Variants in FAM228A observed in about 807,000 individuals in gnomAD.
FAM228A encodes the protein family with sequence similarity 228 member A, also known as protein FAM228A.
In FAM228A, 13 loss-of-function variants were observed where a neutral mutation model predicts 18.6. That is an observed-to-expected ratio of 0.70 (90% CI 0.45 to 1.11). The LOEUF is 1.11. Among genes scored for constraint, FAM228A ranks in the 50% least tolerant of loss-of-function variants. The pLI, the probability that FAM228A is intolerant of heterozygous loss-of-function variation, is 0.00. For missense variants in FAM228A, 240 were observed against 242.2 expected (o/e 0.99, Z 0.06); for synonymous variants, 77 against 86.6 (o/e 0.89, Z 0.61).
intron 5 of FAM228A, chr2:24,188,456 C>T: frequency 1.0e-6 from 1 of 985,260 alleles, no homozygotes; most frequent in Non-Finnish European, 1.2e-6. Flanking sequence ...GCTGTCTGTA[C>T]TCGGGGCCTG....
chr2:24,190,917 C>A lies in FAM228A; in HGVS notation c.*286C>A, dbSNP rs1005691664. The A allele has an allele frequency of 1.8e-6, 2 of 1,123,640 alleles. No homozygotes were observed. Among genetic ancestry groups the A allele is most frequent in the Non-Finnish European group, 2.2e-6 (2 of 918,414 alleles). 69.6% of individuals were successfully genotyped at this position (1,123,640 alleles called of 1,614,324 possible). On this transcript the variant is annotated 3_prime_UTR_variant, in exon 6 of 6. Coordinates refer to ENST00000295150, the MANE Select transcript of FAM228A (RefSeq NM_001040710.3). ...CTGAGATTTCTTCAGCGCCTTCGCC[C>A]GGGCCTTTGCCCTTCTGCCACTTTC... is the stretch of plus-strand genomic sequence containing the variant.
intron 4 of FAM228A, 45 bp from the exon 5 acceptor site, chr2:24,183,450 G>A (rs1238736060): frequency 6.2e-7 from 1 of 1,611,002 alleles, no homozygotes; most frequent in Non-Finnish European, 8.5e-7. Context: ...AAGAGCAACT[G>A]GAGTTCTTGA....
intron 5 of FAM228A, among the ~76,000 whole-genome samples, chr2:24,189,050 C>G (rs986775903): frequency 1.3e-5 from 2 of 152,126 alleles, no homozygotes; most frequent in African/African-American, 4.8e-5. Context: ...TACATAGCCC[C>G]CCCACCCCCA....
intron 2 of FAM228A, chr2:24,175,799 CG>C (rs1558401578): frequency 1.1e-6 from 1 of 903,866 alleles, no homozygotes; most frequent in East Asian, 3.5e-5. Context: ...GGCAGCCGGG[CG>C]GGTGAAGGCA....
chr2:24,175,950 G>T, intron 2 of FAM228A: 1 of 1,026,254 alleles, frequency 9.7e-7, no homozygotes, highest in Non-Finnish European at 1.2e-6. Context: ...AAAACTCTTG[G>T]AAATTTCCTT....
At chr2:24,188,740 C>A in intron 5 of FAM228A, 1 of 753,138 alleles carries the variant, frequency 1.3e-6, no homozygotes, top group Non-Finnish European at 1.6e-6. Flanking sequence ...CTCTGGAATT[C>A]TTTTTAAAGC....
At chr2:24,175,218 A>G (rs963455948) in intron 1 of FAM228A, 44 bp downstream of exon 1, 31 of 446,600 alleles carry the variant, frequency 6.9e-5, no homozygotes, top group Non-Finnish European at 1.2e-4. Flanking sequence ...CGCGGAGCCC[A>G]GGGAGGGCTG....
chr2:24,182,114 C>A (rs1667830123), intron 3 of FAM228A, among the ~76,000 whole-genome samples: 1 of 152,122 alleles, frequency 6.6e-6, no homozygotes, highest in Non-Finnish European at 1.5e-5. Context: ...CACAGGCTGC[C>A]CGGGAGAGCT....
Position 24,183,628 on chromosome 2 carries a change from T to A in FAM228A, c.384T>A (p.Ser128Arg). The A allele has an allele frequency of 6.2e-7, 1 of 1,603,304 alleles. No homozygotes were observed. Among genetic ancestry groups the A allele is most frequent in the East Asian group, 2.2e-5 (1 of 44,774 alleles). ...EWHKASARAR[S>R]KTYKYSPEKL... ...ATAAAGCCTCTGCAAGAGCCAGGAGTAAAACTTACAAATACAGGTACAGAT... is the reference window on the plus strand; with the variant it reads ...ATAAAGCCTCTGCAAGAGCCAGGAGAAAAACTTACAAATACAGGTACAGAT... The change falls in exon 5 of 6, where the codon AGT (serine) becomes AGA (arginine). Residue 128 changes from serine to arginine, a missense_variant. Ser to Arg is a moderately radical substitution (Grantham distance 110, BLOSUM62 -1). Coordinates refer to ENST00000295150, the MANE Select transcript of FAM228A (RefSeq NM_001040710.3).
At chr2:24,175,403 C>T in intron 1 of FAM228A, 64 bp from the exon 2 acceptor site, 1 of 1,199,978 alleles carries the variant, frequency 8.3e-7, no homozygotes, top group Non-Finnish European at 1.2e-6. Flanking sequence ...CTCCCTGAGC[C>T]CAAAGGCCTG....
rs1432216856 is a variant in FAM228A at position 24,181,313 on chromosome 2, A to G, written c.163-1972A>G. Among the ~76,000 whole-genome samples, 7 of 152,334 alleles carry G rather than the reference A, an allele frequency of 4.6e-5. No individual in the cohort carries two copies. The East Asian group carries it at 1.2e-3, about 25-fold the overall frequency. ...GTATCTAGTGATTTTTCCCTTAAGTATATTTTATATCTGAAGGAAATTATA... is the reference window on the plus strand; with the variant it reads ...GTATCTAGTGATTTTTCCCTTAAGTGTATTTTATATCTGAAGGAAATTATA... On this transcript the variant is annotated intron_variant, in intron 3 of 5. Coordinates refer to ENST00000295150, the MANE Select transcript of FAM228A (RefSeq NM_001040710.3).
At chr2:24,188,496 A>G in intron 5 of FAM228A, 1 of 985,438 alleles carries the variant, frequency 1.0e-6, no homozygotes, top group Non-Finnish European at 1.2e-6. Flanking sequence ...TGAGAAACCA[A>G]GCACATTGCT....
At chr2:24,178,742 T>C (rs1257292773) in intron 3 of FAM228A, among the ~76,000 whole-genome samples, 3 of 152,230 alleles carry the variant, frequency 2.0e-5, no homozygotes, top group Non-Finnish European at 4.4e-5. Context: ...CTACCAGTTT[T>C]GTCCCAGACT....
chr2:24,182,726 G>A (rs930764358), intron 3 of FAM228A, among the ~76,000 whole-genome samples: 2 of 152,106 alleles, frequency 1.3e-5, no homozygotes, highest in African/African-American at 4.8e-5. Flanking sequence ...TGGATGACTA[G>A]GCTGTCTAGA....
chr2:24,184,733 T>C (rs1281397297), intron 5 of FAM228A, among the ~76,000 whole-genome samples: 1 of 152,146 alleles, frequency 6.6e-6, no homozygotes, highest in African/African-American at 2.4e-5. Flanking sequence ...TGGAATGCAG[T>C]GGTGCAATCT....
chr2:24,190,382 C>T (rs112799716), intron 5 of FAM228A, 30 bp from the exon 6 acceptor site: 12 of 1,568,538 alleles, frequency 7.7e-6, no homozygotes, highest in African/African-American at 6.9e-5. Flanking sequence ...TGTGCTGAAT[C>T]GAGACAATTT....
chr2:24,185,927 G>A (rs1040315646), intron 5 of FAM228A, among the ~76,000 whole-genome samples: 3 of 151,990 alleles, frequency 2.0e-5, no homozygotes, highest in East Asian at 1.9e-4. Flanking sequence ...AAATAAAAAC[G>A]ATTTCATATG....
chr2:24,183,672 T>C (rs769854959), intron 5 of FAM228A, 27 bp downstream of exon 5: 29 of 1,548,888 alleles, frequency 1.9e-5, no homozygotes, highest in Non-Finnish European at 2.4e-5. Flanking sequence ...CAAACAAATA[T>C]TTGTTTAACT....
At chr2:24,187,572 T>G (rs942827462) in intron 5 of FAM228A, among the ~76,000 whole-genome samples, 18 of 152,236 alleles carry the variant, frequency 1.2e-4, no homozygotes. Context: ...AAAAATTGTC[T>G]CTGCCCATTC....
Sources: allele counts gnomAD v4.1 joint callset (sites outside exome capture counted in the v4.1 genomes callset), GRCh38; gene constraint gnomAD v4.1.1; transcripts MANE v1.5; gene names NCBI Gene and HGNC (gene_info 2026-07-23, HGNC 2026-07-21).